Variants in NFATC3 observed in about 807,000 individuals in gnomAD.
NFATC3 encodes the protein nuclear factor of activated T-cells, cytoplasmic 3.
In NFATC3, 46 loss-of-function variants were observed where a neutral mutation model predicts 98.6. The observed-to-expected ratio is 0.47, with a 90% CI of 0.37 to 0.60. The LOEUF is 0.60. Among genes scored for constraint, NFATC3 ranks in the 20% least tolerant of loss-of-function variants. NFATC3 has a pLI of 0.00. For missense variants in NFATC3, 1,256 were observed against 1,295.5 expected (o/e 0.97, Z 0.47); for synonymous variants, 512 against 472.2 (o/e 1.08, Z -1.09).
intron 9 of NFATC3, chr16:68,214,490 A>G (rs966959023): frequency 1.2e-4 from 181 of 1,475,794 alleles, no homozygotes; most frequent in Non-Finnish European, 1.6e-4. Context: ...ATTTGCATGC[A>G]GTGGCTGGAT....
At chr16:68,201,311 G>A (rs976406356) in intron 9 of NFATC3, among the ~76,000 whole-genome samples, 5 of 152,092 alleles carry the variant, frequency 3.3e-5, no homozygotes, top group African/African-American at 1.2e-4. Context: ...GCTTACTGCA[G>A]CCTTGACCTC....
At chr16:68,182,284 T>G (rs1013804093) in intron 7 of NFATC3, among the ~76,000 whole-genome samples, 1 of 152,188 alleles carries the variant, frequency 6.6e-6, no homozygotes, top group African/African-American at 2.4e-5. Flanking sequence ...CTTTCTAGGA[T>G]TCTACATTGA....
intron 2 of NFATC3, among the ~76,000 whole-genome samples, chr16:68,125,724 CTT>C (rs919977157): frequency 2.0e-5 from 3 of 151,936 alleles, no homozygotes; most frequent in African/African-American, 7.3e-5. Context: ...AAATGTGCCT[CTT>C]TGTTTTAAAA....
At chr16:68,192,193 G>C (rs2040437856) in intron 9 of NFATC3, 1 of 117,074 alleles carries the variant, frequency 8.5e-6, no homozygotes, top group Non-Finnish European at 1.6e-5. Flanking sequence ...GGGCGGCAGA[G>C]CAAGACTCCG....
intron 1 of NFATC3, among the ~76,000 whole-genome samples, chr16:68,096,539 A>C (rs554866978): frequency 6.6e-6 from 1 of 152,248 alleles, no homozygotes; most frequent in African/African-American, 2.4e-5. Flanking sequence ...GGTAATACAA[A>C]TTAAATATAA....
intron 1 of NFATC3, chr16:68,089,375 G>A (rs1253252701): frequency 1.3e-6 from 1 of 794,878 alleles, no homozygotes; most frequent in East Asian, 1.3e-4. Context: ...CTGTTTGCGA[G>A]ATATTTTGAG....
intron 9 of NFATC3, chr16:68,212,317 T>A (rs1350352307): frequency 6.6e-6 from 1 of 152,230 alleles, no homozygotes; most frequent in African/African-American, 2.4e-5. Context: ...TTTGTACAGA[T>A]TGACTCTTCC....
chr16:68,128,249 A>G (rs1236149652), intron 3 of NFATC3, among the ~76,000 whole-genome samples: 6 of 152,084 alleles, frequency 3.9e-5, no homozygotes, highest in South Asian at 4.1e-4. Flanking sequence ...TTTATGAGCT[A>G]TGCTTTATGA....
intron 5 of NFATC3, among the ~76,000 whole-genome samples, chr16:68,170,260 G>A (rs138133534): frequency 1.3e-5 from 2 of 150,926 alleles, no homozygotes; most frequent in South Asian, 2.1e-4. Context: ...GCGTGGTGGC[G>A]TGTGCCTGTA....
At chr16:68,208,123 C>T (rs1433080252) in intron 9 of NFATC3, among the ~76,000 whole-genome samples, 1 of 151,870 alleles carries the variant, frequency 6.6e-6, no homozygotes, top group Non-Finnish European at 1.5e-5. Context: ...GCAGCCTCCA[C>T]CTCCCAAGTT....
chr16:68,172,142 A>G (rs1207788241), intron 5 of NFATC3, among the ~76,000 whole-genome samples: 1 of 152,150 alleles, frequency 6.6e-6, no homozygotes, highest in Non-Finnish European at 1.5e-5. Flanking sequence ...CCACGTAGGC[A>G]TCTTCTATGA....
chr16:68,166,909 T>A lies in NFATC3; in HGVS notation c.1668T>A (p.Asp556Glu). 6.2e-7 allele frequency: 1 copy of A among 1,614,144 alleles called. No individual in the cohort carries two copies. The highest frequency in any genetic ancestry group is 8.5e-7 in the Non-Finnish European group (1 of 1,179,994). The change falls in exon 5 of 10, where the codon GAT (aspartate) becomes GAA (glutamate). Residue 556 changes from aspartate to glutamate, a missense_variant. Physicochemically the swap from Asp to Glu is conservative, Grantham distance 45. This residue lies in a region of NFATC3 where 156 missense variants were observed against 212.4 expected (regional missense o/e 0.73). Transcript: ENST00000346183. ...SDIELRKGET[D>E]IGRKNTRVRL... ...TAGAACTTCGAAAAGGAGAAACTGA[T>A]ATTGGCAGAAAGAATACTAGAGTAC...
At chr16:68,101,834 G>T (rs775615118) in intron 1 of NFATC3, among the ~76,000 whole-genome samples, 5 of 151,954 alleles carry the variant, frequency 3.3e-5, no homozygotes, top group Non-Finnish European at 7.4e-5. Context: ...ACATCAATTC[G>T]TCTGTCAATT....
chr16:68,191,201 T>C lies in NFATC3; in HGVS notation c.2532T>C (p.Leu844=), dbSNP rs1276844428. 1.9e-6 allele frequency: 3 copies of C among 1,614,240 alleles called. No homozygotes were observed. In the South Asian group the frequency reaches 3.3e-5, roughly 18 times the overall value. Residue 844 remains leucine, a synonymous_variant, in exon 9 of 10, where the codon CTT becomes CTC. Transcript: ENST00000346183. ...CAACTCTTTCTGGTTTAGTGAATCTTGGCTGTCAACCACTGTCATCCATAC... is the reference window on the plus strand; with the variant it reads ...CAACTCTTTCTGGTTTAGTGAATCTCGGCTGTCAACCACTGTCATCCATAC... ...QDATLSGLVN[L]GCQPLSSIPF... is the part of the protein sequence containing the mutation.
At position 68,122,276 on chromosome 16, in the gene NFATC3, A is replaced by G. The variant is rs2036615683; in HGVS notation, c.393A>G (p.Leu131=). ...AATTAGATGCACATGAAGATGACCT[A>G]CAGATAAATGACCCAGAACGGGAAT... ...HQELDAHEDD[L]QINDPEREFL... The change falls in exon 2 of 10, where the codon CTA becomes CTG. Residue 131 remains leucine, a synonymous_variant. Transcript: ENST00000346183. The G allele has an allele frequency of 6.2e-7, 1 of 1,614,142 alleles. No homozygotes were observed. The highest frequency in any genetic ancestry group is 8.5e-7 in the Non-Finnish European group (1 of 1,180,016).
Position 68,227,807 on chromosome 16 carries a change from A to G in NFATC3, c.*1336A>G, listed in dbSNP as rs1056909245. ...CCCGAGTTGGGTACTTTAAAAAAAA[A>G]AAAAACCTGCCCTTACCCCTCTCCC... On this transcript the variant is annotated 3_prime_UTR_variant, in exon 10 of 10. Transcript: ENST00000346183. 8 of 152,062 alleles carry G rather than the reference A, an allele frequency of 5.3e-5. No homozygotes were observed. The highest frequency in any genetic ancestry group is 1.0e-4 in the Non-Finnish European group (7 of 67,984). 9.4% of individuals were successfully genotyped at this position (152,062 alleles called of 1,614,324 possible). A position where few individuals can be genotyped will look rare whatever the true frequency, so the allele number is the denominator to read the frequency against.
intron 9 of NFATC3, chr16:68,209,461 C>A: frequency 5.2e-6 from 1 of 191,690 alleles, no homozygotes; most frequent in South Asian, 8.4e-5. Context: ...AGACCACCAC[C>A]ATGGCCACGG....
intron 3 of NFATC3, among the ~76,000 whole-genome samples, chr16:68,146,159 C>T (rs951400398): frequency 4.6e-5 from 7 of 152,090 alleles, no homozygotes; most frequent in Non-Finnish European, 7.4e-5. Context: ...CATATCAGTG[C>T]TCAGAAAGTT....
rs775874851 is a variant in NFATC3 at position 68,107,918 on chromosome 16, AT to A, written c.104-14055del. On this transcript the variant is annotated intron_variant, in intron 1 of 9. Transcript: ENST00000346183. ...TGCCTACTTTTTAATGGGGTGGTTTATTTTTTTTTTTTTTGTAAATTTATTT... is the reference window on the plus strand; with the variant it reads ...TGCCTACTTTTTAATGGGGTGGTTTATTTTTTTTTTTTTGTAAATTTATTT... 3.8e-3 allele frequency among the ~76,000 whole-genome samples: 489 copies of A among 128,726 alleles called. 3 individuals carry two copies. Among genetic ancestry groups the A allele is most frequent in the African/African-American group, 8.2e-3 (290 of 35,198 alleles). The allele number at this position is 128,726 out of a possible 152,430, so 84.4% of individuals were successfully genotyped here.
Sources: allele counts gnomAD v4.1 joint callset (sites outside exome capture counted in the v4.1 genomes callset), GRCh38; gene constraint gnomAD v4.1.1; regional missense constraint gnomAD v4.1.1; transcripts MANE v1.5; gene names NCBI Gene and HGNC (gene_info 2026-07-23, HGNC 2026-07-21).